The following NF1 variants were observed in gnomAD, a reference collection of about 807,000 sequenced individuals.
NF1 encodes the protein neurofibromin 1, also known as neurofibromin.
In NF1, 122 loss-of-function variants were observed where a neutral mutation model predicts 325.7. That is an observed-to-expected ratio of 0.37 (90% CI 0.32 to 0.44). The LOEUF (loss-of-function observed/expected upper bound fraction) is 0.44. Among genes scored for constraint, NF1 ranks in the 20% least tolerant of loss-of-function variants. The probability of loss-of-function intolerance (pLI) is 1.00; values close to 1 mark genes in which losing one functional copy is unlikely to be tolerated. For synonymous variants in NF1, 1,091 were observed against 1,186.0 expected (o/e 0.92, Z 1.65); for missense variants, 2,140 against 3,415.4 (o/e 0.63, Z 9.31).
At chr17:31,119,922 A>ATG (rs1292080804) in intron 1 of NF1, among the ~76,000 whole-genome samples, 4 of 152,084 alleles carry the variant, frequency 2.6e-5, no homozygotes, top group Admixed American at 2.6e-4. Context: ...ATGGTTATAG[A>ATG]TGTGTGGTGT....
At chr17:31,099,724 T>C (rs1054628143) in intron 1 of NF1, among the ~76,000 whole-genome samples, 3 of 151,830 alleles carry the variant, frequency 2.0e-5, no homozygotes, top group Admixed American at 2.0e-4. Context: ...CACGCCTGCC[T>C]AATTTTTGTA....
At chr17:31,358,143 A>G (rs545866824) in intron 54 of NF1, 47 of 370,376 alleles carry the variant, frequency 1.3e-4, no homozygotes, top group Non-Finnish European at 1.8e-4. Context: ...ACAGATGGAA[A>G]TAGTACTAAA....
chr17:31,338,577 T>G, intron 45 of NF1, 127 bp from the exon 46 acceptor site: 2 of 705,506 alleles, frequency 2.8e-6, no homozygotes, highest in Non-Finnish European at 5.1e-6. Context: ...AAGATCACCA[T>G]AGCATGAGAA....
intron 36 of NF1, among the ~76,000 whole-genome samples, chr17:31,271,207 T>G (rs908916599): frequency 1.2e-4 from 19 of 152,232 alleles, no homozygotes; most frequent in Non-Finnish European, 2.2e-4. Context: ...GGAAAATAAG[T>G]TCTCGATTCC....
intron 36 of NF1, among the ~76,000 whole-genome samples, chr17:31,289,976 A>G (rs2068314805): frequency 1.3e-5 from 2 of 151,906 alleles, no homozygotes; most frequent in Non-Finnish European, 2.9e-5. Flanking sequence ...GCATTTCTCA[A>G]TTACGTGGTT....
intron 1 of NF1, among the ~76,000 whole-genome samples, chr17:31,116,113 C>G (rs1038923310): frequency 6.6e-6 from 1 of 152,118 alleles, no homozygotes; most frequent in Admixed American, 6.6e-5. Flanking sequence ...AGATATCTCA[C>G]TAATTTTGTT....
At chr17:31,247,878 C>T (rs1233594921) in intron 29 of NF1, among the ~76,000 whole-genome samples, 1 of 152,098 alleles carries the variant, frequency 6.6e-6, no homozygotes, top group African/African-American at 2.4e-5. Context: ...TGAAAGTTGC[C>T]TTTTGTTACT....
intron 1 of NF1, among the ~76,000 whole-genome samples, chr17:31,135,045 T>C (rs1379313270): frequency 6.6e-6 from 1 of 152,204 alleles, no homozygotes; most frequent in East Asian, 1.9e-4. Context: ...GAAAATGATA[T>C]GTAGTCCCAA....
intron 36 of NF1, among the ~76,000 whole-genome samples, chr17:31,289,808 A>T (rs1478363015): frequency 6.6e-6 from 1 of 152,178 alleles, no homozygotes; most frequent in East Asian, 1.9e-4. Context: ...ACAAAAGTTA[A>T]AATATCTTAC....
At chr17:31,232,249 A>C (rs1335794603) in intron 25 of NF1, 60 bp downstream of exon 25, 4 of 1,013,598 alleles carry the variant, frequency 3.9e-6, no homozygotes, top group Middle Eastern at 2.1e-4. Flanking sequence ...CCACCACACA[A>C]AAAAAGCAAA....
intron 5 of NF1, among the ~76,000 whole-genome samples, chr17:31,178,254 T>C: frequency 6.6e-6 from 1 of 152,200 alleles, no homozygotes; most frequent in East Asian, 1.9e-4. Context: ...CAGAATTTCA[T>C]ATCCAGGCAA....
chr17:31,190,243 C>T lies in NF1; in HGVS notation c.888+7578C>T, dbSNP rs146026181. ...CTGCACTCCAGCCTGGGCGACAGAG[C>T]GAGATTCCATCTCAAAAAACAAAAA... On this transcript the variant is annotated intron_variant, in intron 8 of 57. Coordinates refer to ENST00000358273, the MANE Select transcript of NF1 (RefSeq NM_001042492.3). 6.4e-3 allele frequency among the ~76,000 whole-genome samples: 979 copies of T among 151,832 alleles called. 9 individuals are homozygous for T. The highest frequency in any genetic ancestry group is 0.022 in the African/African-American group (920 of 41,418).
intron 1 of NF1, among the ~76,000 whole-genome samples, chr17:31,113,670 T>G (rs1913627628): frequency 6.6e-6 from 1 of 152,080 alleles, no homozygotes; most frequent in African/African-American, 2.4e-5. Flanking sequence ...GCTGGGACTG[T>G]AAACACTCAC....
intron 1 of NF1, among the ~76,000 whole-genome samples, chr17:31,145,169 T>C (rs1218756201): frequency 6.6e-6 from 1 of 152,188 alleles, no homozygotes; most frequent in Non-Finnish European, 1.5e-5. Context: ...CTTCTTTAGA[T>C]CTTTGCATGG....
At chr17:31,209,921 T>G (rs933859109) in intron 12 of NF1, among the ~76,000 whole-genome samples, 1 of 152,214 alleles carries the variant, frequency 6.6e-6, no homozygotes, top group Non-Finnish European at 1.5e-5. Flanking sequence ...ATGCAGGGCT[T>G]ATAGGCATGA....
intron 22 of NF1, 141 bp from the exon 23 acceptor site, chr17:31,230,119 T>TG: frequency 7.1e-7 from 1 of 1,405,582 alleles, no homozygotes; most frequent in African/African-American, 1.4e-5. Flanking sequence ...AGCCAGAAGT[T>TG]GTGTACGTTC....
intron 57 of NF1, chr17:31,367,166 C>CT: frequency 4.7e-6 from 5 of 1,071,092 alleles, no homozygotes; most frequent in South Asian, 1.4e-5. Flanking sequence ...GTATTTCACC[C>CT]TTTTTTAAAT....
At chr17:31,262,524 G>A (rs1221858990) in intron 35 of NF1, among the ~76,000 whole-genome samples, 1 of 152,162 alleles carries the variant, frequency 6.6e-6, no homozygotes, top group Non-Finnish European at 1.5e-5. Flanking sequence ...TGTGATTTGA[G>A]TGCTATGTTC....
At chr17:31,250,133 T>C (rs1413316881) in intron 30 of NF1, 1 of 380,372 alleles carries the variant, frequency 2.6e-6, no homozygotes, top group East Asian at 4.9e-5. Flanking sequence ...ACGGTATACA[T>C]AGATGATAAA....
Sources: allele counts gnomAD v4.1 joint callset (sites outside exome capture counted in the v4.1 genomes callset), GRCh38; gene constraint gnomAD v4.1.1; transcripts MANE v1.5; gene names NCBI Gene and HGNC (gene_info 2026-07-23, HGNC 2026-07-21).